The following NRXN3 variants were observed in gnomAD, a reference collection of about 807,000 sequenced individuals.
The protein encoded by NRXN3 is neurexin 3.
In NRXN3, 32 loss-of-function variants were observed where a neutral mutation model predicts 137.6. The ratio of observed to expected loss-of-function variants is 0.23; its 90% CI spans 0.18 to 0.31. NRXN3 has a LOEUF of 0.31. Among genes scored for constraint, NRXN3 ranks in the 10% least tolerant of loss-of-function variants. The pLI is 1.00. For synonymous variants in NRXN3, 798 were observed against 784.5 expected, an observed-to-expected ratio of 1.02 and a Z score of -0.29; for missense variants, 1,574 against 2,062.5, an observed-to-expected ratio of 0.76 and a Z score of 4.59.
At chr14:78,624,829 GTGTT>G (rs1555404275) in intron 4 of NRXN3, among the ~76,000 whole-genome samples, 9,210 of 146,968 alleles carry the variant, frequency 0.063, 331 homozygotes, top group Middle Eastern at 0.15. Context: ...GTGTGTGTGT[GTGTT>G]TGTTTGTTTG....
In NRXN3 at chr14:79,807,051, C is replaced by T. The variant is rs138920045; in HGVS notation, c.4093+1861C>T. On this transcript the variant is annotated intron_variant, in intron 20 of 20. Coordinates refer to ENST00000335750, the MANE Select transcript of NRXN3 (RefSeq NM_001330195.2). Reference sequence around the variant, plus strand: ...GGAGTGCAGTGGCGTGTTTATAGCTCGCTGCAGCCTTAAACTCCCGGGCTC... The same window carrying T: ...GGAGTGCAGTGGCGTGTTTATAGCTTGCTGCAGCCTTAAACTCCCGGGCTC... Among the ~76,000 whole-genome samples, 255 of 132,132 alleles carry T rather than the reference C, an allele frequency of 1.9e-3. 1 individual carries two copies. The highest frequency in any genetic ancestry group is 6.9e-3 in the African/African-American group (240 of 34,956). The allele number at this position is 132,132 out of a possible 152,430, so 86.7% of individuals were successfully genotyped here. A position where few individuals can be genotyped will look rare whatever the true frequency, so the allele number is the denominator to read the frequency against.
At chr14:79,029,771 G>A (rs920878513) in intron 15 of NRXN3, among the ~76,000 whole-genome samples, 1 of 59,546 alleles carries the variant, frequency 1.7e-5, no homozygotes, top group Non-Finnish European at 3.3e-5. Context: ...CCTTGGAGAG[G>A]GCTATAATTG....
intron 15 of NRXN3, among the ~76,000 whole-genome samples, chr14:79,009,416 C>T (rs1039820971): frequency 1.3e-5 from 2 of 152,154 alleles, no homozygotes; most frequent in Non-Finnish European, 2.9e-5. Context: ...GCCATTGGTA[C>T]TGACGGTTGA....
chr14:79,503,699 T>G (rs956277118), intron 16 of NRXN3, among the ~76,000 whole-genome samples: 3 of 152,172 alleles, frequency 2.0e-5, no homozygotes, highest in Admixed American at 6.5e-5. Flanking sequence ...TGGGAGAACT[T>G]CAAGAGGTGA....
chr14:78,685,101 G>C (rs1413352035), intron 6 of NRXN3, among the ~76,000 whole-genome samples: 1 of 152,168 alleles, frequency 6.6e-6, no homozygotes, highest in South Asian at 2.1e-4. Context: ...TTTCCTCAGT[G>C]CTTTAGGACC....
chr14:78,955,935 T>C (rs182417291), intron 10 of NRXN3, among the ~76,000 whole-genome samples: 220 of 152,260 alleles, frequency 1.4e-3, no homozygotes, highest in African/African-American at 5.1e-3. Flanking sequence ...AGATAAAATA[T>C]ATTGACTCTA....
chr14:78,591,227 G>A (rs1465319797), intron 4 of NRXN3, among the ~76,000 whole-genome samples: 1 of 152,130 alleles, frequency 6.6e-6, no homozygotes, highest in Non-Finnish European at 1.5e-5. Context: ...CTGAGAAGTC[G>A]CCCCTATGTG....
intron 4 of NRXN3, among the ~76,000 whole-genome samples, chr14:78,503,891 A>G (rs1668915643): frequency 6.6e-6 from 1 of 152,162 alleles, no homozygotes; most frequent in Non-Finnish European, 1.5e-5. Flanking sequence ...GATAAGTTAC[A>G]TAGTTACCCT....
Position 79,128,457 on chromosome 14 carries a change from C to A in NRXN3, c.3262+140316C>A, listed in dbSNP as rs1308073899. Among the ~76,000 whole-genome samples, 49 of 150,354 alleles carry A rather than the reference C, an allele frequency of 3.3e-4. No individual in the cohort carries two copies. The South Asian group carries it at 0.01, about 31-fold the overall frequency. ...AATCATGTGGTTTTTGTCTTTGGTT[C>A]TGTTTATATGCTGGATTACATTTAT... On this transcript the variant is annotated intron_variant, in intron 15 of 20. Transcript: ENST00000335750.
chr14:79,761,610 G>A lies in NRXN3; in HGVS notation c.4015-43502G>A, dbSNP rs370203184. Among the ~76,000 whole-genome samples, 54 of 148,426 alleles carry A rather than the reference G, an allele frequency of 3.6e-4. 1 individual carries two copies. The South Asian group carries it at 6.8e-3, about 19-fold the overall frequency. ...CGGGAGGCTGAGGCAGGAGAATGGC[G>A]TGAACCCGGGAGGCGGAGCTTGCCA... On this transcript the variant is annotated intron_variant, in intron 19 of 20. Transcript: ENST00000335750.
At chr14:79,060,254 G>A (rs972203450) in intron 15 of NRXN3, among the ~76,000 whole-genome samples, 1 of 152,186 alleles carries the variant, frequency 6.6e-6, no homozygotes, top group African/African-American at 2.4e-5. Context: ...AGATAAGAGC[G>A]AGAGATTCAA....
chr14:79,375,201 GT>G (rs1298381336), intron 15 of NRXN3, among the ~76,000 whole-genome samples: 1 of 145,718 alleles, frequency 6.9e-6, no homozygotes, highest in East Asian at 2.0e-4. Context: ...GTCATTTAAT[GT>G]TCTTGGACTT....
chr14:78,236,346 T>C (rs1173814615), intron 1 of NRXN3, among the ~76,000 whole-genome samples: 1 of 152,212 alleles, frequency 6.6e-6, no homozygotes, highest in African/African-American at 2.4e-5. Flanking sequence ...GCACATACAG[T>C]ATGTGTCTTA....
At chr14:78,806,882 T>C (rs1046743149) in intron 9 of NRXN3, among the ~76,000 whole-genome samples, 13 of 152,238 alleles carry the variant, frequency 8.5e-5, no homozygotes, top group African/African-American at 2.9e-4. Flanking sequence ...TTAATGATAA[T>C]CTCATGATAA....
intron 4 of NRXN3, among the ~76,000 whole-genome samples, chr14:78,626,911 T>C (rs919499829): frequency 6.6e-6 from 1 of 152,252 alleles, no homozygotes; most frequent in Admixed American, 6.5e-5. Context: ...TCTCCTTCTT[T>C]TCTTGTCCTC....
chr14:79,598,538 G>GA (rs2097886625), intron 16 of NRXN3, among the ~76,000 whole-genome samples: 1 of 152,226 alleles, frequency 6.6e-6, no homozygotes, highest in African/African-American at 2.4e-5. Flanking sequence ...GTAATATGCA[G>GA]AAAGGATGTC....
At chr14:78,542,770 C>T (rs1238603309) in intron 4 of NRXN3, among the ~76,000 whole-genome samples, 1 of 152,170 alleles carries the variant, frequency 6.6e-6, no homozygotes, top group Non-Finnish European at 1.5e-5. Context: ...TCTTCTGCAT[C>T]GATCACACTG....
At chr14:79,146,879 A>G (rs940505262) in intron 15 of NRXN3, among the ~76,000 whole-genome samples, 2 of 152,116 alleles carry the variant, frequency 1.3e-5, no homozygotes, top group African/African-American at 2.4e-5. Context: ...CTCTTAACTG[A>G]ATGTGGCCAT....
intron 15 of NRXN3, among the ~76,000 whole-genome samples, chr14:79,138,423 A>G (rs2058463140): frequency 6.6e-6 from 1 of 152,230 alleles, no homozygotes; most frequent in Non-Finnish European, 1.5e-5. Flanking sequence ...CCAAAGTGCT[A>G]GGATGAGAGG....
Sources: allele counts gnomAD v4.1 joint callset (sites outside exome capture counted in the v4.1 genomes callset), GRCh38; gene constraint gnomAD v4.1.1; transcripts MANE v1.5; gene names NCBI Gene and HGNC (gene_info 2026-07-23, HGNC 2026-07-21).